ZNF33A: variants seen among roughly 807,000 people sequenced by gnomAD.
ZNF33A encodes the protein brain my041 protein.
Under a neutral mutation model 15.9 loss-of-function variants are expected in ZNF33A, and 9 were observed. The observed-to-expected ratio is 0.57, with a 90% confidence interval of 0.34 to 0.99. ZNF33A has a LOEUF of 0.99. ZNF33A is among the 50% of genes least tolerant of loss of function. The pLI, the probability that ZNF33A is intolerant of heterozygous loss-of-function variation, is 0.02. For missense variants in ZNF33A, 843 were observed against 941.6 expected, an observed-to-expected ratio of 0.90 and a Z score of 1.37; for synonymous variants, 294 against 324.2, an observed-to-expected ratio of 0.91 and a Z score of 1.00.
At chr10:38,035,809 C>G (rs2065426788) in intron 4 of ZNF33A, among the ~76,000 whole-genome samples, 1 of 151,546 alleles carries the variant, frequency 6.6e-6, no homozygotes, top group African/African-American at 2.4e-5. Context: ...GAAATTGAAT[C>G]CATAAAGCTT....
intron 4 of ZNF33A, among the ~76,000 whole-genome samples, chr10:38,048,737 CT>C (rs1453117539): frequency 5.9e-5 from 9 of 152,114 alleles, no homozygotes; most frequent in Non-Finnish European, 8.8e-5. Context: ...CAATCCTAAG[CT>C]TTAGGTTAGT....
At chr10:38,023,041 G>A (rs1209629884) in intron 4 of ZNF33A, among the ~76,000 whole-genome samples, 1 of 152,272 alleles carries the variant, frequency 6.6e-6, no homozygotes, top group East Asian at 1.9e-4. Flanking sequence ...TGCCTCCCGG[G>A]TTCAGATGAT....
At chr10:38,044,957 C>T (rs778349156) in intron 4 of ZNF33A, among the ~76,000 whole-genome samples, 5 of 152,188 alleles carry the variant, frequency 3.3e-5, no homozygotes, top group Non-Finnish European at 7.3e-5. Flanking sequence ...CGTGAGCCAC[C>T]GTGTCTGGCC....
At chr10:38,050,867 T>G (rs1214330099) in intron 4 of ZNF33A, among the ~76,000 whole-genome samples, 2 of 152,216 alleles carry the variant, frequency 1.3e-5, no homozygotes, top group Non-Finnish European at 2.9e-5. Flanking sequence ...AGCATACTTG[T>G]GGACATTGTG....
downstream of ZNF33A, among the ~76,000 whole-genome samples, chr10:38,062,518 A>G (rs1261308286): frequency 6.6e-6 from 1 of 152,148 alleles, no homozygotes; most frequent in Non-Finnish European, 1.5e-5. Context: ...AAACTGTGAG[A>G]CTATTATGAG....
In ZNF33A at chr10:38,019,250, T is replaced by C. The variant is rs189248438; in HGVS notation, c.250+1864T>C. On this transcript the variant is annotated intron_variant, in intron 4 of 4. Transcript: ENST00000432900. The stretch of plus-strand genomic sequence containing the variant: ...AACATGCAGTGTTTGGTTTTTTGGC[T>C]TTGCGATAGTTTGCTGAGAATGATG... Among the ~76,000 whole-genome samples, 447 of 152,016 alleles carry C rather than the reference T, an allele frequency of 2.9e-3. 1 individual carries two copies. Among genetic ancestry groups the C allele is most frequent in the South Asian group, 7.1e-3 (34 of 4,810 alleles).
Position 38,012,348 on chromosome 10 carries a change from A to C in ZNF33A, c.7A>C (p.Lys3Gln). 6.2e-7 allele frequency: 1 copy of C among 1,613,772 alleles called. No individual in the cohort carries two copies. Among genetic ancestry groups the C allele is most frequent in the Non-Finnish European group, 8.5e-7 (1 of 1,179,866 alleles). The change falls in exon 2 of 5, where the codon AAG becomes CAG. Residue 3 changes from lysine (K) to glutamine (Q), a missense_variant and splice_region_variant. Lys to Gln is a moderately conservative substitution (Grantham distance 53). Coordinates refer to ENST00000432900, the MANE Select transcript of ZNF33A (RefSeq NM_006954.2). MN[K>Q]VEQKSQESVS... ...TTTCCAAGAACAGAACAAAATGAAC[A>C]AGGTAAGTTGTTTATTAATTCCCTA...
At position 38,023,022 on chromosome 10, in the gene ZNF33A, C is replaced by T. The variant is rs1280990629; in HGVS notation, c.250+5636C>T. Among the ~76,000 whole-genome samples, 8 of 152,166 alleles carry T rather than the reference C, an allele frequency of 5.3e-5. No individual in the cohort carries two copies. The South Asian group carries it at 6.2e-4, about 12-fold the overall frequency. ...GTGCAGTGGTGTAATCTCGGCTCAC[C>T]GCAACCTCTGCCTCCCGGGTTCAGA... On this transcript the variant is annotated intron_variant, in intron 4 of 4. Coordinates refer to ENST00000432900, the MANE Select transcript of ZNF33A (RefSeq NM_006954.2).
At chr10:38,038,485 T>G (rs1449678948) in intron 4 of ZNF33A, among the ~76,000 whole-genome samples, 1 of 152,218 alleles carries the variant, frequency 6.6e-6, no homozygotes, top group Non-Finnish European at 1.5e-5. Context: ...CTTTTATTAG[T>G]TTTAATAGTG....
At chr10:38,065,261 G>A (rs1475484677), downstream of ZNF33A, among the ~76,000 whole-genome samples, 3 of 151,858 alleles carry the variant, frequency 2.0e-5, no homozygotes, top group Non-Finnish European at 4.4e-5. Context: ...GTGTAGAGAC[G>A]GGGTTTCACC....
Position 38,059,711 on chromosome 10 carries a change from A to C in ZNF33A, c.*3151A>C, listed in dbSNP as rs2066623307. On this transcript the variant is annotated 3_prime_UTR_variant, in exon 5 of 5. Transcript: ENST00000432900. ...AGTGGTTGCTGAGAGTTGAGGGGAA[A>C]GGAGGGATGGCAGGTAGAGAGGTGA... 6.6e-6 allele frequency: 1 copy of C among 152,258 alleles called. No homozygotes were observed. Among genetic ancestry groups the C allele is most frequent in the South Asian group, 2.1e-4 (1 of 4,834 alleles). 9.4% of individuals were successfully genotyped at this position (152,258 alleles called of 1,614,324 possible).
chr10:38,040,067 T>G (rs2065628205), intron 4 of ZNF33A, among the ~76,000 whole-genome samples: 1 of 152,094 alleles, frequency 6.6e-6, no homozygotes, highest in African/African-American at 2.4e-5. Context: ...CATTTTTATC[T>G]CAAAGCATTT....
chr10:38,052,633 C>T (rs1018082012), intron 4 of ZNF33A, among the ~76,000 whole-genome samples: 2 of 152,046 alleles, frequency 1.3e-5, no homozygotes, highest in Non-Finnish European at 2.9e-5. Context: ...AGACAGGAAA[C>T]TTGTCTACTT....
At chr10:38,047,689 A>G (rs1385233518) in intron 4 of ZNF33A, among the ~76,000 whole-genome samples, 2 of 150,330 alleles carry the variant, frequency 1.3e-5, no homozygotes, top group African/African-American at 4.9e-5. Context: ...GCTTTAAGAG[A>G]ACTTCAAGTA....
chr10:38,053,407 C>A (rs1219149817), intron 4 of ZNF33A, among the ~76,000 whole-genome samples: 2 of 152,066 alleles, frequency 1.3e-5, no homozygotes, highest in Admixed American at 6.6e-5. Flanking sequence ...CATGTGCTTT[C>A]CAGTATCCTC....
rs2064223403 is a variant in ZNF33A, at chr10:38,012,370, C to T, written c.9+20C>T. 2 of 1,612,556 alleles carry T rather than the reference C, an allele frequency of 1.2e-6. No individual in the cohort carries two copies. The highest frequency in any genetic ancestry group is 2.2e-5 in the East Asian group (1 of 44,834). On this transcript the variant is annotated intron_variant, in intron 2 of 4. Transcript: ENST00000432900. The stretch of plus-strand genomic sequence containing the variant: ...AACAAGGTAAGTTGTTTATTAATTC[C>T]CTACTTTATTTTGCAGTGGACTTTG...
Position 38,056,160 on chromosome 10 carries a change from G to C in ZNF33A, c.2036G>C (p.Gly679Ala). 6.2e-7 allele frequency: 1 copy of C among 1,613,448 alleles called. No homozygotes were observed. Residue 679 changes from glycine (G) to alanine (A), a missense_variant, in exon 5 of 5, where the codon GGA (glycine) becomes GCA (alanine). Gly to Ala is a moderately conservative substitution (Grantham distance 60). Transcript: ENST00000432900. ...GGAAAATCTTTCTGTGTAAAATCAG[G>C]ACTTATTTTCCATGAGAGAAAGCAC... ...ECGKSFCVKS[G>A]LIFHERKHTG... is the part of the protein sequence containing the mutation.
intron 1 of ZNF33A, among the ~76,000 whole-genome samples, chr10:38,012,049 C>T (rs2064210112): frequency 1.3e-5 from 2 of 152,074 alleles, no homozygotes; most frequent in Admixed American, 1.3e-4. Context: ...TACTTTCACC[C>T]GGTAAAAAAT....
At chr10:38,024,152 C>CA (rs1564841150) in intron 4 of ZNF33A, among the ~76,000 whole-genome samples, 1 of 17,706 alleles carries the variant, frequency 5.6e-5, no homozygotes, top group Non-Finnish European at 9.8e-5. Context: ...AACTCCGTCT[C>CA]AAAAACAAAA....
Sources: gnomAD v4.1 joint callset for allele counts (sites outside exome capture counted in the v4.1 genomes callset) on GRCh38, gnomAD v4.1.1 for gene constraint, MANE v1.5 for transcripts, NCBI Gene and HGNC (gene_info 2026-07-23, HGNC 2026-07-21) for gene names.